Variants in STXBP2 observed in about 807,000 individuals in gnomAD.
STXBP2 encodes syntaxin binding protein 2, also known as syntaxin-binding protein 2.
STXBP2 carries 47 observed loss-of-function variants against 72.2 expected under a neutral mutation model. The ratio of observed to expected loss-of-function variants is 0.65; its 90% CI spans 0.51 to 0.83. The LOEUF (loss-of-function observed/expected upper bound fraction) is 0.83, where lower values mean the gene tolerates loss of function less well. Among genes scored for constraint, STXBP2 ranks in the 40% least tolerant of loss-of-function variants. STXBP2 has a pLI of 0.00. For synonymous variants in STXBP2, 367 were observed against 338.7 expected, an observed-to-expected ratio of 1.08 and a Z score of -0.92; for missense variants, 702 against 807.6, an observed-to-expected ratio of 0.87 and a Z score of 1.58.
At chr19:7,634,781 T>A (rs1477007848), upstream of STXBP2, among the ~76,000 whole-genome samples, 1 of 152,210 alleles carries the variant, frequency 6.6e-6, no homozygotes, top group African/African-American at 2.4e-5. Flanking sequence ...TCAGGAGCCC[T>A]CCTTGCCCCT....
upstream of STXBP2, among the ~76,000 whole-genome samples, chr19:7,635,470 G>A (rs190857937): frequency 2.6e-4 from 39 of 152,314 alleles, no homozygotes; most frequent in Middle Eastern, 3.4e-3. Flanking sequence ...CAAGGCAGGA[G>A]GATCCCTTGA....
chr19:7,630,895 T>A, the STXBP2 span: 1 of 1,536,342 alleles, frequency 6.5e-7, no homozygotes, highest in Non-Finnish European at 8.7e-7. Flanking sequence ...GCTGGATTCT[T>A]GTATCCGGGA....
At chr19:7,636,862 T>A (rs7359905), upstream of STXBP2, 2 of 367,968 alleles carry the variant, frequency 5.4e-6, no homozygotes, top group Non-Finnish European at 9.7e-6. Flanking sequence ...CCTGCGATCC[T>A]GCTTCGCACG....
chr19:7,632,762 T>C (rs2146196738), upstream of STXBP2: 1 of 1,567,850 alleles, frequency 6.4e-7, no homozygotes. The surrounding 1 kb of genome is among the most constrained non-coding windows in gnomAD (Gnocchi z 5.2). Context: ...AACAGCGCTG[T>C]CCCTCCATCC....
chr19:7,631,236 G>A, the STXBP2 span: 2 of 1,407,922 alleles, frequency 1.4e-6, no homozygotes. Flanking sequence ...TCTCAGCCAT[G>A]AGTAAGGAAC....
chr19:7,638,627 G>A, intron 1 of STXBP2, 99 bp from the exon 2 acceptor site: 6 of 1,305,562 alleles, frequency 4.6e-6, no homozygotes, highest in Non-Finnish European at 6.5e-6. Flanking sequence ...AAAGTAAATG[G>A]GAATTAAGAT....
At chr19:7,631,399 CG>C in the STXBP2 span, 3,751 of 570,324 alleles carry the variant, frequency 6.6e-3, 8 homozygotes, top group African/African-American at 0.02. Flanking sequence ...GAGAGGTGGG[CG>C]GGGGGGGGTG....
At chr19:7,638,658 G>A (rs2031663017) in intron 1 of STXBP2, 68 bp from the exon 2 acceptor site, 6 of 1,549,510 alleles carry the variant, frequency 3.9e-6, no homozygotes, top group African/African-American at 1.4e-5. Context: ...CCCCAAGGCT[G>A]AGAAGGCTTG....
upstream of STXBP2, among the ~76,000 whole-genome samples, chr19:7,634,222 C>T (rs1192692461): frequency 6.6e-6 from 1 of 152,210 alleles, no homozygotes; most frequent in African/African-American, 2.4e-5. Context: ...GAGGACGTCC[C>T]TGCCTTTTCC....
rs2031846878 is a variant in STXBP2 at position 7,640,935 on chromosome 19, T to G, written c.361T>G (p.Ser121Ala). The change falls in exon 6 of 19, where the codon TCT becomes GCT. Residue 121 changes from serine (S) to alanine (A), a missense_variant. Ser to Ala is a moderately conservative substitution (Grantham distance 99, BLOSUM62 1). Coordinates refer to ENST00000221283, the MANE Select transcript of STXBP2 (RefSeq NM_006949.4). ...PEPLFSELGRSRLAKVVKTLK... is the reference protein window; with the variant it reads ...PEPLFSELGRARLAKVVKTLK... ...GCCCCTGTTCAGTGAGCTAGGCCGC[T>G]CTCGTCTGGCAAAGGTGGTGAAGAC... The G allele has an allele frequency of 6.2e-7, 1 of 1,614,078 alleles. No homozygotes were observed. Among genetic ancestry groups the G allele is most frequent in the Non-Finnish European group, 8.5e-7 (1 of 1,180,020 alleles).
chr19:7,646,338 A>C lies in STXBP2; in HGVS notation c.1446A>C (p.Val482=), dbSNP rs1267281446. The C allele has an allele frequency of 1.2e-6, 2 of 1,605,482 alleles. No homozygotes were observed. Among genetic ancestry groups the C allele is most frequent in the African/African-American group, 2.7e-5 (2 of 74,854 alleles). The change falls in exon 16 of 19, where the codon GTA becomes GTC. Residue 482 remains valine, a synonymous_variant. Transcript: ENST00000221283. The part of the protein sequence containing the change: ...LSRWTPVIKD[V]MEDAVEDRLD... Reference sequence around the variant, plus strand: ...GCTGGACCCCGGTCATCAAGGATGTAATGGAGGTACTGGGTGGCAGGTCAG... The same window carrying C: ...GCTGGACCCCGGTCATCAAGGATGTCATGGAGGTACTGGGTGGCAGGTCAG...
At position 7,647,433 on chromosome 19, in the gene STXBP2, G is replaced by A; in HGVS notation, c.1618G>A (p.Gly540Ser). Reference protein sequence around the residue: ...AGPRLIVYVMGGVAMSEMRAA... With the variant: ...AGPRLIVYVMSGVAMSEMRAA... ...CCCCCGGCTCATCGTGTATGTCATG[G>A]GCGGTGTGGCCATGTCAGAGATGAG... Residue 540 changes from glycine to serine, a missense_variant, in exon 18 of 19, where the codon GGC (glycine) becomes AGC (serine). Gly to Ser is a moderately conservative substitution (Grantham distance 56, BLOSUM62 0). Coordinates refer to ENST00000221283, the MANE Select transcript of STXBP2 (RefSeq NM_006949.4). The A allele has an allele frequency of 6.2e-7, 1 of 1,613,606 alleles. No individual in the cohort carries two copies. The highest frequency in any genetic ancestry group is 8.5e-7 in the Non-Finnish European group (1 of 1,179,938).
rs2146208184 is a variant in STXBP2, at chr19:7,639,808, G to T, written c.246+1G>T. 1 of 1,613,924 alleles carries T rather than the reference G, an allele frequency of 6.2e-7. No homozygotes were observed. The highest frequency in any genetic ancestry group is 8.5e-7 in the Non-Finnish European group (1 of 1,179,972). ...TTATTTGCTGAGCCCCACGGAGAAG[G>T]TGCCTACATGAGTGAGCGTGTGTGT... is the stretch of plus-strand genomic sequence containing the variant. On this transcript the variant is annotated splice_donor_variant, in intron 4 of 18. Transcript: ENST00000221283. LOFTEE classifies it high-confidence loss of function.
chr19:7,632,755 A>G (rs1402648861), upstream of STXBP2: 4 of 1,567,656 alleles, frequency 2.6e-6, no homozygotes, highest in Non-Finnish European at 3.4e-6. This position sits in a 1 kb window ranked among gnomAD's most constrained non-coding sequence, Gnocchi z 5.2. Context: ...TGCAGTGAAC[A>G]GCGCTGTCCC....
In STXBP2 at chr19:7,647,239, C is replaced by G. The variant is rs755717157; in HGVS notation, c.1530C>G (p.Ala510=). 2 of 1,611,338 alleles carry G rather than the reference C, an allele frequency of 1.2e-6. No homozygotes were observed. The highest frequency in any genetic ancestry group is 1.7e-4 in the Middle Eastern group (1 of 5,942). Residue 510 remains alanine, a synonymous_variant, in exon 17 of 19, where the codon GCC becomes GCG. Transcript: ENST00000221283. ...CCGCCCCCACGGCCAGCTCCCAGGC[C>G]GCTGTCAGGTGAGGCCCCGGGGCCG... is the stretch of plus-strand genomic sequence containing the variant. ...SDPAPTASSQ[A]AVSARFGHWH...
At chr19:7,634,257 A>C (rs2031447171), upstream of STXBP2, among the ~76,000 whole-genome samples, 1 of 152,170 alleles carries the variant, frequency 6.6e-6, no homozygotes, top group Non-Finnish European at 1.5e-5. Flanking sequence ...GCTTTCCCTC[A>C]GTGCCCAAGC....
At chr19:7,633,088 AT>A, upstream of STXBP2, 6 of 1,199,126 alleles carry the variant, frequency 5.0e-6, no homozygotes, top group Non-Finnish European at 6.8e-6. Context: ...ACAGGCTCCG[AT>A]GCGTGTCCCG....
rs1313986977 is a variant in STXBP2, at chr19:7,642,305, C to T, written c.766C>T (p.Leu256=). 3.1e-6 allele frequency: 5 copies of T among 1,614,024 alleles called. No individual in the cohort carries two copies. The African/African-American group carries it at 4.0e-5, about 13-fold the overall frequency. ...CACGTTCCAGGCCATGGCGTATGATCTGCTGGACATAGAGCAGGACACATA... is the reference window on the plus strand; with the variant it reads ...CACGTTCCAGGCCATGGCGTATGATTTGCTGGACATAGAGCAGGACACATA... The part of the protein sequence containing the change: ...ELTFQAMAYD[L]LDIEQDTYRY... Residue 256 remains leucine (L), a synonymous_variant, in exon 9 of 19, where the codon CTG becomes TTG. Coordinates refer to ENST00000221283, the MANE Select transcript of STXBP2 (RefSeq NM_006949.4). This position sits in a 1 kb window ranked among gnomAD's most constrained non-coding sequence, Gnocchi z 6.0.
At chr19:7,640,246 G>A (rs1327447394) in intron 4 of STXBP2, 1 of 541,512 alleles carries the variant, frequency 1.8e-6, no homozygotes, top group South Asian at 1.5e-5. Flanking sequence ...GTGTGTATCT[G>A]TGTGTGCATG....
Sources: allele counts gnomAD v4.1 joint callset (sites outside exome capture counted in the v4.1 genomes callset), GRCh38; gene constraint gnomAD v4.1.1; non-coding constraint Gnocchi (gnomAD v3.1); transcripts MANE v1.5; gene names NCBI Gene and HGNC (gene_info 2026-07-23, HGNC 2026-07-21).